The following MYCBP2 variants were observed in gnomAD, a reference collection of about 807,000 sequenced individuals.
MYCBP2 encodes the protein E3 ubiquitin-protein ligase MYCBP2.
A neutral mutation model predicts 525.3 loss-of-function variants in MYCBP2; 120 were observed. That is an observed-to-expected ratio of 0.23 (90% CI 0.20 to 0.27). The LOEUF (loss-of-function observed/expected upper bound fraction) is 0.27, where lower values mean the gene tolerates loss of function less well. MYCBP2 is among the 10% of genes least tolerant of loss of function. The pLI is 1.00. For synonymous variants in MYCBP2, 1,894 were observed against 1,955.8 expected, an observed-to-expected ratio of 0.97 and a Z score of 0.83; for missense variants, 4,149 against 5,657.1, an observed-to-expected ratio of 0.73 and a Z score of 8.55.
rs531620243 is a variant in MYCBP2, at chr13:77,244,352, G to A, written c.2382-401C>T. ...GTTGCTGTCCAGCAGATAAGTGAAG[G>A]CAGGTGTTGGTAGCCTTCAGCAACA... On this transcript the variant is annotated intron_variant, in intron 15 of 82. Transcript: ENST00000544440. 5.9e-5 allele frequency among the ~76,000 whole-genome samples: 9 copies of A among 152,298 alleles called. No homozygotes were observed. In the South Asian group the frequency reaches 1.9e-3, roughly 32 times the overall value.
Position 77,181,923 on chromosome 13 carries a change from CT to C in MYCBP2, c.4720-2del. 6.2e-7 allele frequency: 1 copy of C among 1,611,754 alleles called. No individual in the cohort carries two copies. ...TCTTGAAGTTTGCTTCTTGGATATCCTTTTAAAAACAAAAATATGGCCCCCC... is the reference window on the plus strand; with the variant it reads ...TCTTGAAGTTTGCTTCTTGGATATCCTTTAAAAACAAAAATATGGCCCCCC... On this transcript the variant is annotated splice_acceptor_variant, in intron 32 of 82. Coordinates refer to ENST00000544440, the MANE Select transcript of MYCBP2 (RefSeq NM_015057.5). LOFTEE classifies it high-confidence loss of function.
chr13:77,270,409 T>C lies in MYCBP2; in HGVS notation c.1075A>G (p.Ile359Val), dbSNP rs762953485. 25 of 1,613,802 alleles carry C rather than the reference T, an allele frequency of 1.5e-5. No homozygotes were observed. The highest frequency in any genetic ancestry group is 1.0e-4 in the Admixed American group (6 of 60,022). ...CATTGGTCATCTTCATCAACAGATA[T>C]TTCTTTTAATGGCCACTTGTGCATT... ...ALMHKWPLKE[I>V]SVDEDDQCLL... is the part of the protein sequence containing the mutation. The change falls in exon 6 of 83, where the codon ATA becomes GTA. Residue 359 changes from isoleucine (I) to valine (V), a missense_variant. By Grantham distance (29) the Ile-to-Val change is conservative (BLOSUM62 3). Coordinates refer to ENST00000544440, the MANE Select transcript of MYCBP2 (RefSeq NM_015057.5).
intron 59 of MYCBP2, among the ~76,000 whole-genome samples, chr13:77,091,422 T>C (rs2045401976): frequency 6.6e-6 from 1 of 151,032 alleles, no homozygotes; most frequent in Non-Finnish European, 1.5e-5. Flanking sequence ...AAAAAGTGAC[T>C]TTTTACCAAA....
rs1594864128 is a variant in MYCBP2, at chr13:77,141,768, C to T, written c.7304-825G>A. ...CCTGTGCAACAGAGTGAGACTCTGT[C>T]TCAAAAAAAAAAAAAAAAAAGTATA... On this transcript the variant is annotated intron_variant, in intron 49 of 82. Coordinates refer to ENST00000544440, the MANE Select transcript of MYCBP2 (RefSeq NM_015057.5). Among the ~76,000 whole-genome samples the T allele has an allele frequency of 2.5e-5, 3 of 121,972 alleles. 1 individual carries two copies. The highest frequency in any genetic ancestry group is 9.7e-5 in the African/African-American group (3 of 30,856). The allele number at this position is 121,972 out of a possible 152,430, so 80.0% of individuals were successfully genotyped here.
chr13:77,055,767 T>C lies in MYCBP2; in HGVS notation c.13438A>G (p.Asn4480Asp). ...TTTAGTACTATGTGATTAATTTTGT[T>C]CTGCAATAAAAAATGAACACTCTTT... The part of the protein sequence containing the change: ...FGFISCPICK[N>D]KINHIVLKDL... Residue 4480 changes from asparagine (N) to aspartate (D), a missense_variant and splice_region_variant, in exon 80 of 83, where the codon AAC becomes GAC. By Grantham distance (23) the Asn-to-Asp change is conservative. Around this residue, in one of 21 missense-constraint regions of MYCBP2, gnomAD observed 220 missense variants for 396.0 expected, o/e 0.56. Transcript: ENST00000544440. The C allele has an allele frequency of 6.2e-7, 1 of 1,605,894 alleles. No individual in the cohort carries two copies. The highest frequency in any genetic ancestry group is 1.1e-5 in the South Asian group (1 of 90,314).
At chr13:77,266,768 A>C (rs1424933791) in intron 8 of MYCBP2, among the ~76,000 whole-genome samples, 3 of 120,938 alleles carry the variant, frequency 2.5e-5, no homozygotes, top group Non-Finnish European at 5.6e-5. Flanking sequence ...AAAAAAAAAA[A>C]CCCTGTAGAC....
chr13:77,311,540 G>C (rs1050477283), intron 1 of MYCBP2, among the ~76,000 whole-genome samples: 1 of 151,094 alleles, frequency 6.6e-6, no homozygotes, highest in Non-Finnish European at 1.5e-5. Context: ...AGAGGTTCTC[G>C]GCAGGGAAAG....
In MYCBP2 at chr13:77,093,095, T is replaced by C. The variant is rs535455812; in HGVS notation, c.10367+70A>G. On this transcript the variant is annotated intron_variant, in intron 59 of 82. Transcript: ENST00000544440. Reference sequence around the variant, plus strand: ...ATGTATTAAAGAACTTCTACAGGACTCTTTTCTAGTTCAAAGTCTTTCTTC... The same window carrying C: ...ATGTATTAAAGAACTTCTACAGGACCCTTTTCTAGTTCAAAGTCTTTCTTC... The C allele has an allele frequency of 9.0e-6, 13 of 1,439,232 alleles. No homozygotes were observed. The East Asian group carries it at 2.1e-4, about 23-fold the overall frequency. The allele number at this position is 1,439,232 out of a possible 1,614,324, so 89.2% of individuals were successfully genotyped here. A position where few individuals can be genotyped will look rare whatever the true frequency, so the allele number is the denominator to read the frequency against.
chr13:77,168,808 G>T (rs2058810245), intron 39 of MYCBP2, among the ~76,000 whole-genome samples, 162 bp from the exon 40 acceptor site: 1 of 152,008 alleles, frequency 6.6e-6, no homozygotes, highest in African/African-American at 2.4e-5. Flanking sequence ...ATTAAAAAAA[G>T]ATTTATCTTA....
chr13:77,290,344 A>G (rs2077340161), intron 2 of MYCBP2, among the ~76,000 whole-genome samples: 2 of 152,226 alleles, frequency 1.3e-5, no homozygotes, highest in South Asian at 4.1e-4. Flanking sequence ...CATATAATCC[A>G]GCAATTATGT....
chr13:77,323,458 A>G (rs1218893005), intron 1 of MYCBP2, among the ~76,000 whole-genome samples: 1 of 152,218 alleles, frequency 6.6e-6, no homozygotes, highest in Non-Finnish European at 1.5e-5. Flanking sequence ...CTTCCTCTAC[A>G]TCTGCCTCCT....
intron 55 of MYCBP2, among the ~76,000 whole-genome samples, chr13:77,100,927 C>T (rs947044842): frequency 6.6e-6 from 1 of 152,032 alleles, no homozygotes; most frequent in South Asian, 2.1e-4. Flanking sequence ...AATAAGTACC[C>T]TTAAACTGTT....
intron 72 of MYCBP2, among the ~76,000 whole-genome samples, 158 bp from the exon 73 acceptor site, chr13:77,064,892 C>A (rs1018554520): frequency 2.0e-5 from 3 of 152,090 alleles, no homozygotes; most frequent in Non-Finnish European, 4.4e-5. Flanking sequence ...ACTAAAATTT[C>A]TTCGTGATCC....
At chr13:77,295,662 A>C (rs975246622) in intron 2 of MYCBP2, among the ~76,000 whole-genome samples, 1 of 152,230 alleles carries the variant, frequency 6.6e-6, no homozygotes, top group Non-Finnish European at 1.5e-5. Context: ...GCTATTCAGG[A>C]ATCATAGTTA....
intron 55 of MYCBP2, among the ~76,000 whole-genome samples, chr13:77,101,870 T>C (rs867062848): frequency 6.6e-6 from 1 of 152,064 alleles, no homozygotes; most frequent in Non-Finnish European, 1.5e-5. Flanking sequence ...TTACTAAAAA[T>C]TGTATGTTGT....
chr13:77,319,595 CA>C (rs779787127), intron 1 of MYCBP2, among the ~76,000 whole-genome samples: 4 of 152,184 alleles, frequency 2.6e-5, no homozygotes, highest in Admixed American at 6.5e-5. Flanking sequence ...TCCAATCTAT[CA>C]ATGTTATTTA....
At chr13:77,140,608 A>G (rs2054463498) in intron 50 of MYCBP2, among the ~76,000 whole-genome samples, 1 of 152,216 alleles carries the variant, frequency 6.6e-6, no homozygotes, top group South Asian at 2.1e-4. Context: ...ATTTCAGTAG[A>G]CTTTTGTTCA....
intron 73 of MYCBP2, among the ~76,000 whole-genome samples, chr13:77,063,908 C>T (rs963216685): frequency 1.3e-5 from 2 of 152,158 alleles, no homozygotes; most frequent in African/African-American, 4.8e-5. Context: ...CATAAATTGA[C>T]TTTTTCCGCC....
At chr13:77,247,670 C>T (rs1405616876) in intron 15 of MYCBP2, among the ~76,000 whole-genome samples, 14 of 152,104 alleles carry the variant, frequency 9.2e-5, no homozygotes. Flanking sequence ...AAACTTACTA[C>T]AAATCTACAG....
Sources: allele counts gnomAD v4.1 joint callset (sites outside exome capture counted in the v4.1 genomes callset), GRCh38; gene constraint gnomAD v4.1.1; regional missense constraint gnomAD v4.1.1; transcripts MANE v1.5; gene names NCBI Gene and HGNC (gene_info 2026-07-23, HGNC 2026-07-21).